The following ZNF239 variants were observed in gnomAD, a reference collection of about 807,000 sequenced individuals.
ZNF239 encodes the protein zinc finger protein 239, also known as zinc finger protein (C2H2) homologous to mouse MOK-2.
ZNF239 carries 16 observed loss-of-function variants against 27.5 expected under a neutral mutation model. The observed-to-expected ratio is 0.58, with a 90% CI of 0.39 to 0.88. ZNF239 has a LOEUF of 0.88. Ranked by LOEUF, ZNF239 falls within the 40% of genes least tolerant of loss-of-function variation. The pLI is 0.00. For missense variants in ZNF239, 527 were observed against 551.9 expected, an observed-to-expected ratio of 0.95 and a Z score of 0.45; for synonymous variants, 199 against 192.6, an observed-to-expected ratio of 1.03 and a Z score of -0.27.
intron 2 of ZNF239, chr10:43,571,078 A>G (rs929265067): frequency 5.4e-6 from 5 of 918,758 alleles, no homozygotes; most frequent in Admixed American, 1.2e-4. Flanking sequence ...CTAAGGAGTC[A>G]CTCCAAGGCT....
At position 43,557,430 on chromosome 10, in the gene ZNF239, C is replaced by A; in HGVS notation, c.650G>T (p.Ser217Ile). The A allele has an allele frequency of 6.2e-7, 1 of 1,614,106 alleles. No homozygotes were observed. Among genetic ancestry groups the A allele is most frequent in the Non-Finnish European group, 8.5e-7 (1 of 1,179,980 alleles). Residue 217 changes from serine to isoleucine, a missense_variant, in exon 4 of 4, where the codon AGT becomes ATT. Ser to Ile is a moderately radical substitution (Grantham distance 142). Transcript: ENST00000374446. ...ATGAAGTAGTAGCTCTGAGCTTTGA[C>A]TGAAGTTCTTACCACACTGACTACA... The part of the protein sequence containing the change: ...YECSQCGKNF[S>I]QSSELLLHQR...
At chr10:43,564,696 A>C (rs1837511715) in intron 3 of ZNF239, among the ~76,000 whole-genome samples, 1 of 151,874 alleles carries the variant, frequency 6.6e-6, no homozygotes, top group Non-Finnish European at 1.5e-5. Context: ...GGCCCGGCTA[A>C]TTTTTTATAT....
At chr10:43,561,931 T>C (rs896000493) in intron 3 of ZNF239, among the ~76,000 whole-genome samples, 2 of 152,138 alleles carry the variant, frequency 1.3e-5, no homozygotes, top group Admixed American at 1.3e-4. Context: ...AAATAAAATA[T>C]ATTTTTAAAA....
intron 1 of ZNF239, among the ~76,000 whole-genome samples, chr10:43,574,197 C>G (rs1350679575): frequency 6.6e-6 from 1 of 152,222 alleles, no homozygotes; most frequent in Non-Finnish European, 1.5e-5. Flanking sequence ...ACGCCCGTCA[C>G]AGGCGAGGAA....
Position 43,573,643 on chromosome 10 carries a change from C to T in ZNF239, c.-222G>A. On this transcript the variant is annotated 5_prime_UTR_variant, in exon 2 of 4. Transcript: ENST00000374446. ...AAATGGAACGCCAACTCACCCGGACCCTGGTCATTTCTTACTCCCAGAGGG... is the reference window on the plus strand; with the variant it reads ...AAATGGAACGCCAACTCACCCGGACTCTGGTCATTTCTTACTCCCAGAGGG... The T allele has an allele frequency of 1.0e-6, 1 of 985,398 alleles. No homozygotes were observed. The highest frequency in any genetic ancestry group is 4.7e-5 in the South Asian group (1 of 21,288). 61.0% of individuals were successfully genotyped at this position (985,398 alleles called of 1,614,324 possible).
At position 43,556,776 on chromosome 10, in the gene ZNF239, T is replaced by G. The variant is rs564711184; in HGVS notation, c.1304A>C (p.Lys435Thr). ...GCTCTGGCTGAAGCCCTTCCCACAC[T>G]TGCTGCACTCATAGGGCTTCTCTCC... ...HTGEKPYECS[K>T]CGKGFSQSSN... The change falls in exon 4 of 4, where the codon AAG (lysine) becomes ACG (threonine). Residue 435 changes from lysine to threonine, a missense_variant. By Grantham distance (78) the Lys-to-Thr change is moderately conservative (BLOSUM62 -1). Transcript: ENST00000374446. The G allele has an allele frequency of 8.6e-5, 138 of 1,613,938 alleles. No individual in the cohort carries two copies. Among genetic ancestry groups the G allele is most frequent in the Middle Eastern group, 3.3e-4 (2 of 6,072 alleles).
chr10:43,564,101 T>C (rs1837465890), intron 3 of ZNF239: 1 of 161,348 alleles, frequency 6.2e-6, no homozygotes, highest in African/African-American at 2.4e-5. Context: ...GGGTCTCTTC[T>C]TGCATGGTTC....
At chr10:43,568,070 T>C in intron 2 of ZNF239, 49 bp from the exon 3 acceptor site, 3 of 985,798 alleles carry the variant, frequency 3.0e-6, no homozygotes, top group Non-Finnish European at 3.6e-6. Flanking sequence ...TCTGCACAAA[T>C]GCCCTGCAAG....
intron 1 of ZNF239, among the ~76,000 whole-genome samples, chr10:43,574,308 G>C (rs867253097): frequency 6.6e-6 from 1 of 152,204 alleles, no homozygotes; most frequent in African/African-American, 2.4e-5. Flanking sequence ...CAGCTGCAGG[G>C]CCCCACAGGC....
At position 43,556,864 on chromosome 10, in the gene ZNF239, C is replaced by A. The variant is rs746870458; in HGVS notation, c.1216G>T (p.Gly406Cys). Reference sequence around the variant, plus strand: ...TGGCTAAATCCCTTCCCACACTTGCCACAGTGATAGGGCTTCTCTCCAGTG... The same window carrying A: ...TGGCTAAATCCCTTCCCACACTTGCAACAGTGATAGGGCTTCTCTCCAGTG... The part of the protein sequence containing the change: ...VHTGEKPYHC[G>C]KCGKGFSQSS... The change falls in exon 4 of 4, where the codon GGC becomes TGC. Residue 406 changes from glycine (G) to cysteine (C), a missense_variant. By Grantham distance (159) the Gly-to-Cys change is radical. Coordinates refer to ENST00000374446, the MANE Select transcript of ZNF239 (RefSeq NM_001099282.2). The A allele has an allele frequency of 1.2e-6, 2 of 1,613,690 alleles. No individual in the cohort carries two copies. Among genetic ancestry groups the A allele is most frequent in the Non-Finnish European group, 8.5e-7 (1 of 1,179,970 alleles).
At chr10:43,572,881 G>C (rs1264831128) in intron 2 of ZNF239, among the ~76,000 whole-genome samples, 1 of 152,202 alleles carries the variant, frequency 6.6e-6, no homozygotes, top group East Asian at 1.9e-4. Context: ...ACATGCTAGT[G>C]AAAGAGAACA....
chr10:43,556,514 C>A lies in ZNF239; in HGVS notation c.*189G>T. On this transcript the variant is annotated 3_prime_UTR_variant, in exon 4 of 4. Coordinates refer to ENST00000374446, the MANE Select transcript of ZNF239 (RefSeq NM_001099282.2). ...ACCCATCTGAGAAACAAGAACAATC[C>A]ATTCATTGTACAGCATAACAAAGTG... The A allele has an allele frequency of 1.5e-6, 1 of 684,276 alleles. No homozygotes were observed. Among genetic ancestry groups the A allele is most frequent in the South Asian group, 2.3e-5 (1 of 44,434 alleles). The allele number at this position is 684,276 out of a possible 1,614,324, so 42.4% of individuals were successfully genotyped here.
rs534077175 is a variant in ZNF239, at chr10:43,557,231, G to C, written c.849C>G (p.Ala283=). 1 of 1,612,666 alleles carries C rather than the reference G, an allele frequency of 6.2e-7. No homozygotes were observed. Among genetic ancestry groups the C allele is most frequent in the Admixed American group, 1.7e-5 (1 of 59,900 alleles). ...TRSSSLLIHH[A]VHTGEKPYKC... ...TATAAGGTTTTTCGCCTGTATGGAC[G>C]GCATGATGGATGAGCAGACTTGAGC... Residue 283 remains alanine, a synonymous_variant, in exon 4 of 4, where the codon GCC becomes GCG. Transcript: ENST00000374446.
intron 3 of ZNF239, among the ~76,000 whole-genome samples, chr10:43,562,467 C>A (rs1837322576): frequency 6.6e-6 from 1 of 152,208 alleles, no homozygotes; most frequent in African/African-American, 2.4e-5. Flanking sequence ...CCGGGATAGA[C>A]AAGAGCTACA....
rs905648371 is a variant in ZNF239, at chr10:43,568,016, T to G, written c.-210A>C. The G allele has an allele frequency of 1.0e-6, 1 of 985,838 alleles. No individual in the cohort carries two copies. Among genetic ancestry groups the G allele is most frequent in the East Asian group, 1.1e-4 (1 of 8,836 alleles). The allele number at this position is 985,838 out of a possible 1,614,324, so 61.1% of individuals were successfully genotyped here. Reference sequence around the variant, plus strand: ...CCACAGAGGCATCCTTGAATGTAACTGGTTCCTAAAACATTAAGCACATTC... The same window carrying G: ...CCACAGAGGCATCCTTGAATGTAACGGGTTCCTAAAACATTAAGCACATTC... On this transcript the variant is annotated 5_prime_UTR_variant, in exon 3 of 4. Coordinates refer to ENST00000374446, the MANE Select transcript of ZNF239 (RefSeq NM_001099282.2).
intron 1 of ZNF239, among the ~76,000 whole-genome samples, chr10:43,573,992 A>G (rs901207310): frequency 9.9e-5 from 15 of 152,070 alleles, no homozygotes; most frequent in Non-Finnish European, 1.8e-4. Flanking sequence ...TTAAGAGGAG[A>G]AGCTTCTCGG....
intron 3 of ZNF239, among the ~76,000 whole-genome samples, chr10:43,562,716 C>T (rs1837346586): frequency 1.3e-5 from 2 of 152,188 alleles, no homozygotes; most frequent in South Asian, 4.1e-4. Context: ...GAGCTGTCCA[C>T]ACAACTTGTT....
chr10:43,562,012 C>T (rs1343794448), intron 3 of ZNF239, among the ~76,000 whole-genome samples: 1 of 152,170 alleles, frequency 6.6e-6, no homozygotes, highest in Admixed American at 6.5e-5. Flanking sequence ...CTACTTGACT[C>T]TACAGTGAAC....
chr10:43,568,051 A>G, intron 2 of ZNF239, 30 bp from the exon 3 acceptor site: 1 of 985,862 alleles, frequency 1.0e-6, no homozygotes, highest in South Asian at 4.7e-5. Flanking sequence ...CCTCCTCAAC[A>G]AACAACCATC....
Sources: gnomAD v4.1 joint callset for allele counts (sites outside exome capture counted in the v4.1 genomes callset) on GRCh38, gnomAD v4.1.1 for gene constraint, MANE v1.5 for transcripts, NCBI Gene and HGNC (gene_info 2026-07-23, HGNC 2026-07-21) for gene names.